The following TOP6BL variants were observed in gnomAD, a reference collection of about 807,000 sequenced individuals.
The protein encoded by TOP6BL is TOP6B like initiator of meiotic double strand breaks.
At chr11:66,745,265 G>A in the TOP6BL span, among the ~76,000 whole-genome samples, 1 of 148,556 alleles carries the variant, frequency 6.7e-6, no homozygotes, top group South Asian at 2.2e-4. Flanking sequence ...GGGAGGGGGC[G>A]CGGAAAGAAG....
chr11:66,841,678 G>A, the TOP6BL span, among the ~76,000 whole-genome samples: 1 of 152,040 alleles, frequency 6.6e-6, no homozygotes, highest in African/African-American at 2.4e-5. Context: ...TTTCTAGCCA[G>A]GCAAGGTGGT....
the TOP6BL span, among the ~76,000 whole-genome samples, chr11:66,806,324 G>A: frequency 6.6e-6 from 1 of 152,118 alleles, no homozygotes; most frequent in Non-Finnish European, 1.5e-5. Context: ...TTGGTTTTCT[G>A]TTCTTTTGGG....
At chr11:66,773,926 A>G in the TOP6BL span, among the ~76,000 whole-genome samples, 2 of 151,988 alleles carry the variant, frequency 1.3e-5, no homozygotes, top group East Asian at 3.9e-4. Context: ...TAGTAGAGAC[A>G]CCATGTTGGC....
chr11:66,746,097 C>T, the TOP6BL span, among the ~76,000 whole-genome samples: 3 of 152,108 alleles, frequency 2.0e-5, no homozygotes, highest in African/African-American at 4.8e-5. Context: ...CGTGAGCCAC[C>T]GTGCCCGGCC....
At chr11:66,818,665 G>A in the TOP6BL span, among the ~76,000 whole-genome samples, 1 of 152,150 alleles carries the variant, frequency 6.6e-6, no homozygotes, top group Non-Finnish European at 1.5e-5. Flanking sequence ...TTTAACATGA[G>A]ATTGTTAGGC....
chr11:66,779,683 A>G, the TOP6BL span, among the ~76,000 whole-genome samples: 2 of 152,188 alleles, frequency 1.3e-5, no homozygotes, highest in African/African-American at 4.8e-5. Context: ...AAGGATTATA[A>G]ATCATGCTGC....
At chr11:66,768,952 T>C in the TOP6BL span, among the ~76,000 whole-genome samples, 2 of 152,228 alleles carry the variant, frequency 1.3e-5, no homozygotes, top group East Asian at 3.8e-4. Flanking sequence ...CCATGAGAGC[T>C]AACCTGCCTT....
the TOP6BL span, among the ~76,000 whole-genome samples, chr11:66,777,057 C>T: frequency 1.3e-5 from 2 of 150,018 alleles, no homozygotes; most frequent in Admixed American, 6.7e-5. Context: ...ATCTATATAT[C>T]TATATCTATA....
chr11:66,811,803 G>C, the TOP6BL span, among the ~76,000 whole-genome samples: 1 of 152,248 alleles, frequency 6.6e-6, no homozygotes, highest in East Asian at 1.9e-4. Flanking sequence ...TGGCAGGCAT[G>C]GTGGCTCTCA....
chr11:66,820,833 T>C, the TOP6BL span, among the ~76,000 whole-genome samples: 1 of 152,208 alleles, frequency 6.6e-6, no homozygotes, highest in African/African-American at 2.4e-5. Context: ...CTTTAAAAAA[T>C]AATGTCATTC....
the TOP6BL span, among the ~76,000 whole-genome samples, chr11:66,803,017 GA>G: frequency 6.6e-6 from 1 of 152,132 alleles, no homozygotes; most frequent in African/African-American, 2.4e-5. Context: ...TCTCTGTTTA[GA>G]AAAGAGCTAT....
At chr11:66,763,349 C>T in the TOP6BL span, among the ~76,000 whole-genome samples, 1 of 152,180 alleles carries the variant, frequency 6.6e-6, no homozygotes, top group African/African-American at 2.4e-5. Flanking sequence ...TCGGCTTTTG[C>T]TCTGTGACCC....
the TOP6BL span, among the ~76,000 whole-genome samples, chr11:66,765,888 A>G: frequency 1.3e-5 from 2 of 152,234 alleles, no homozygotes; most frequent in Non-Finnish European, 2.9e-5. Context: ...AGAATAAGAC[A>G]GGAATCCCTT....
At chr11:66,821,286 ATTT>A in the TOP6BL span, among the ~76,000 whole-genome samples, 18 of 106,316 alleles carry the variant, frequency 1.7e-4, no homozygotes, top group Non-Finnish European at 1.8e-4. Context: ...ACATCTGGTA[ATTT>A]TTTTTTTTTT....
chr11:66,761,963 C>G, the TOP6BL span: 1 of 1,562,442 alleles, frequency 6.4e-7, no homozygotes, highest in Non-Finnish European at 8.8e-7. Flanking sequence ...TCTGCCCTTG[C>G]GAGGGTTCCT....
chr11:66,786,997 G>A, the TOP6BL span, among the ~76,000 whole-genome samples: 46 of 151,136 alleles, frequency 3.0e-4, no homozygotes, highest in East Asian at 1.4e-3. Flanking sequence ...GCAATGGCAC[G>A]ATCTTGGCTC....
At chr11:66,776,619 C>G in the TOP6BL span, among the ~76,000 whole-genome samples, 1 of 151,968 alleles carries the variant, frequency 6.6e-6, no homozygotes, top group African/African-American at 2.4e-5. Flanking sequence ...AAGTCCCCAT[C>G]TCTTAGAAGA....
At chr11:66,813,810 G>A in the TOP6BL span, 1 of 1,509,452 alleles carries the variant, frequency 6.6e-7, no homozygotes, top group East Asian at 2.3e-5. Flanking sequence ...TGTTATACAA[G>A]TGAATACATA....
At chr11:66,793,956 A>C in the TOP6BL span, among the ~76,000 whole-genome samples, 5 of 151,960 alleles carry the variant, frequency 3.3e-5, no homozygotes, top group African/African-American at 1.2e-4. Context: ...AAATTAAAAA[A>C]TAAAAATTAT....
Sources: gnomAD v4.1 joint callset for allele counts (sites outside exome capture counted in the v4.1 genomes callset) on GRCh38, gnomAD v4.1.1 for gene constraint, MANE v1.5 for transcripts, NCBI Gene and HGNC (gene_info 2026-07-23, HGNC 2026-07-21) for gene names.